The following LCORL variants were observed in gnomAD, a reference collection of about 807,000 sequenced individuals.
LCORL encodes the protein ligand-dependent nuclear receptor corepressor-like protein.
A neutral mutation model predicts 141.8 loss-of-function variants in LCORL; 41 were observed. The ratio of observed to expected loss-of-function variants is 0.29; its 90% CI spans 0.23 to 0.38. The LOEUF (loss-of-function observed/expected upper bound fraction) is 0.38. Among genes scored for constraint, LCORL ranks in the 10% least tolerant of loss-of-function variants. LCORL has a pLI of 1.00. For synonymous variants in LCORL, 618 were observed against 694.1 expected, an observed-to-expected ratio of 0.89 and a Z score of 1.72; for missense variants, 1,759 against 2,035.0, an observed-to-expected ratio of 0.86 and a Z score of 2.61.
At chr4:17,933,118 T>C (rs779745022) in intron 4 of LCORL, among the ~76,000 whole-genome samples, 1 of 146,342 alleles carries the variant, frequency 6.8e-6, no homozygotes, top group Non-Finnish European at 1.5e-5. Context: ...TTTTTAAAAT[T>C]ATCATACTTT....
chr4:17,985,276 T>C (rs1189540297), intron 1 of LCORL, among the ~76,000 whole-genome samples: 1 of 152,076 alleles, frequency 6.6e-6, no homozygotes, highest in Non-Finnish European at 1.5e-5. Context: ...CCCGTAGAGG[T>C]CTATCAGATC....
chr4:17,943,452 ACC>A (rs1197335853), intron 4 of LCORL, among the ~76,000 whole-genome samples: 262 of 152,330 alleles, frequency 1.7e-3, no homozygotes, highest in African/African-American at 6.1e-3. Flanking sequence ...ATTCTCTCAC[ACC>A]TTATACCAAA....
chr4:17,870,723 G>A (rs1407792638), intron 7 of LCORL, among the ~76,000 whole-genome samples: 1 of 152,096 alleles, frequency 6.6e-6, no homozygotes, highest in Non-Finnish European at 1.5e-5. Context: ...TCCCTTAGAT[G>A]GAAAGGAACT....
At chr4:17,935,260 A>C (rs561185622) in intron 4 of LCORL, among the ~76,000 whole-genome samples, 28 of 152,340 alleles carry the variant, frequency 1.8e-4, no homozygotes, top group Non-Finnish European at 3.7e-4. Context: ...AAATAATACA[A>C]ATCAAATATA....
intron 4 of LCORL, among the ~76,000 whole-genome samples, chr4:17,941,665 A>G (rs1297373756): frequency 6.6e-6 from 1 of 152,180 alleles, no homozygotes; most frequent in East Asian, 1.9e-4. Flanking sequence ...TACCCTTGAT[A>G]TACAAAACAC....
chr4:17,936,311 A>T lies in LCORL; in HGVS notation c.430+25592T>A, dbSNP rs540705289. On this transcript the variant is annotated intron_variant, in intron 4 of 7. Coordinates refer to ENST00000635767, the Ensembl canonical transcript of LCORL. Reference sequence around the variant, plus strand: ...TTTATCCACTTTTCAGGACCACTAGAATTTTGGAACTACCAGATTTTAGAT... The same window carrying T: ...TTTATCCACTTTTCAGGACCACTAGTATTTTGGAACTACCAGATTTTAGAT... Among the ~76,000 whole-genome samples, 5 of 150,348 alleles carry T rather than the reference A, an allele frequency of 3.3e-5. No individual in the cohort carries two copies. In the South Asian group the frequency reaches 1.1e-3, roughly 32 times the overall value.
At chr4:17,971,016 G>A (rs1488090821) in intron 2 of LCORL, among the ~76,000 whole-genome samples, 2 of 152,002 alleles carry the variant, frequency 1.3e-5, no homozygotes, top group Admixed American at 6.6e-5. Context: ...AATAGATAAC[G>A]CTCTAAGGGA....
At position 17,900,954 on chromosome 4, in the gene LCORL, T is replaced by C. The variant is rs144383917; in HGVS notation, c.682+8140A>G. ...TTAAGTAGAATAAAGAAAGGAAATC[T>C]GCTTCCCCTGTCACCTCATCAAACT... On this transcript the variant is annotated intron_variant, in intron 5 of 7. Coordinates refer to ENST00000635767, the Ensembl canonical transcript of LCORL. 4.3e-4 allele frequency among the ~76,000 whole-genome samples: 65 copies of C among 152,162 alleles called. 1 individual carries two copies. The East Asian group carries it at 0.011, about 27-fold the overall frequency.
At chr4:17,875,607 A>G (rs1226462025) in exon 7 of LCORL, 42 of 1,231,084 alleles carry the variant, frequency 3.4e-5, no homozygotes, top group Non-Finnish European at 4.3e-5. Flanking sequence ...TACTTCTGAT[A>G]TGAGACATTC....
chr4:17,929,580 T>C (rs991907172), intron 4 of LCORL, among the ~76,000 whole-genome samples: 6 of 152,190 alleles, frequency 3.9e-5, no homozygotes, highest in African/African-American at 1.2e-4. Context: ...AATATGAAGC[T>C]GGGCCTCTAC....
At chr4:17,912,061 C>A (rs1732640210) in intron 4 of LCORL, 5 of 697,294 alleles carry the variant, frequency 7.2e-6, no homozygotes, top group African/African-American at 1.8e-5. Flanking sequence ...GAAGGGACCC[C>A]AGGTCAGAGA....
chr4:17,992,325 G>A (rs1720169243), intron 1 of LCORL, among the ~76,000 whole-genome samples: 1 of 152,158 alleles, frequency 6.6e-6, no homozygotes, highest in South Asian at 2.1e-4. Context: ...AGAACAGCAT[G>A]GAGGAACCGC....
intron 6 of LCORL, chr4:17,881,405 C>T (rs1055172929): frequency 1.6e-5 from 15 of 960,808 alleles, no homozygotes; most frequent in African/African-American, 1.8e-5. Context: ...AATGTTAACT[C>T]AATAATAGAA....
intron 5 of LCORL, among the ~76,000 whole-genome samples, chr4:17,892,337 T>C (rs1577344857): frequency 1.3e-5 from 2 of 151,852 alleles, no homozygotes; most frequent in South Asian, 2.1e-4. Context: ...GCCTCCCAAG[T>C]AGCTGGGATT....
Position 17,912,013 on chromosome 4 carries a change from T to G in LCORL, c.431-2668A>C, listed in dbSNP as rs1732632071. On this transcript the variant is annotated intron_variant, in intron 4 of 7. Transcript: ENST00000635767. ...AGTGAGGAGCCTGGAGACCAAGAAC[T>G]AGAAGTTAGAGACCAAAATCTGGGG... 4.6e-6 allele frequency: 3 copies of G among 649,634 alleles called. No individual in the cohort carries two copies. In the Admixed American group the frequency reaches 5.4e-5, roughly 12 times the overall value. 40.2% of individuals were successfully genotyped at this position (649,634 alleles called of 1,614,324 possible). A position where few individuals can be genotyped will look rare whatever the true frequency, so the allele number is the denominator to read the frequency against.
At chr4:17,842,033 T>C (rs1560235741) in exon 8 of LCORL, 1 of 347,986 alleles carries the variant, frequency 2.9e-6, no homozygotes, top group East Asian at 5.8e-5. Flanking sequence ...CTCAAATACA[T>C]TGAACTAAAA....
Position 18,021,287 on chromosome 4 carries a change from G to A in LCORL, c.154+311C>T, listed in dbSNP as rs1725525431. Among the ~76,000 whole-genome samples, 1 of 152,150 alleles carries A rather than the reference G, an allele frequency of 6.6e-6. No individual in the cohort carries two copies. The highest frequency in any genetic ancestry group is 1.5e-5 in the Non-Finnish European group (1 of 67,998). ...TGGACGGCGGGCGACGGCGGGCAGCGACGGGCGCCGAGGAGTTTCGGGGAG... is the reference window on the plus strand; with the variant it reads ...TGGACGGCGGGCGACGGCGGGCAGCAACGGGCGCCGAGGAGTTTCGGGGAG... On this transcript the variant is annotated intron_variant, in intron 1 of 7. Transcript: ENST00000635767. This position sits in a 1 kb window ranked among gnomAD's most constrained non-coding sequence, Gnocchi z 5.5.
At chr4:17,970,475 C>CT (rs1167344026) in intron 2 of LCORL, among the ~76,000 whole-genome samples, 7 of 152,110 alleles carry the variant, frequency 4.6e-5, no homozygotes, top group African/African-American at 1.7e-4. Context: ...ATATAAAACT[C>CT]TGAATACACA....
At chr4:17,911,342 A>C (rs775868659) in intron 4 of LCORL, among the ~76,000 whole-genome samples, 1 of 152,278 alleles carries the variant, frequency 6.6e-6, no homozygotes, top group Admixed American at 6.5e-5. Context: ...TATTATAAAA[A>C]ACCTATGCAT....
Sources: allele counts gnomAD v4.1 joint callset (sites outside exome capture counted in the v4.1 genomes callset), GRCh38; gene constraint gnomAD v4.1.1; non-coding constraint Gnocchi (gnomAD v3.1); transcripts MANE v1.5; gene names NCBI Gene and HGNC (gene_info 2026-07-23, HGNC 2026-07-21).